The following NCAM2 variants were observed in gnomAD, a reference collection of about 807,000 sequenced individuals.
The protein encoded by NCAM2 is neural cell adhesion molecule 2.
Under a neutral mutation model 98.1 loss-of-function variants are expected in NCAM2, and 30 were observed. The ratio of observed to expected loss-of-function variants is 0.31; its 90% confidence interval spans 0.23 to 0.41. NCAM2 has a LOEUF of 0.41. Among genes scored for constraint, NCAM2 ranks in the 10% least tolerant of loss-of-function variants. The pLI is 1.00. For synonymous variants in NCAM2, 368 were observed against 342.4 expected (o/e 1.07, Z -0.83); for missense variants, 867 against 1,005.8 (o/e 0.86, Z 1.87).
chr21:21,180,924 T>G (rs1159942759), intron 1 of NCAM2, among the ~76,000 whole-genome samples: 4 of 152,284 alleles, frequency 2.6e-5, no homozygotes, highest in East Asian at 1.9e-4. Flanking sequence ...TTTCTCAGAA[T>G]TGTGTGGTAT....
intron 1 of NCAM2, among the ~76,000 whole-genome samples, chr21:21,125,412 TTTAC>T (rs2066774025): frequency 1.2e-5 from 1 of 84,912 alleles, no homozygotes; most frequent in Non-Finnish European, 2.3e-5. Context: ...TATATAATAT[TTTAC>T]ATATATTCAT....
intron 1 of NCAM2, among the ~76,000 whole-genome samples, chr21:21,098,086 G>A (rs1380746877): frequency 1.3e-5 from 2 of 149,300 alleles, no homozygotes; most frequent in Admixed American, 1.4e-4. Context: ...TTATGAAGTT[G>A]AATGTACTAC....
chr21:21,105,219 G>A (rs2066321090), intron 1 of NCAM2, among the ~76,000 whole-genome samples: 1 of 152,134 alleles, frequency 6.6e-6, no homozygotes, highest in Non-Finnish European at 1.5e-5. Flanking sequence ...ATGACATGAA[G>A]TAGGACTTCA....
chr21:21,419,822 C>A (rs552982822), intron 11 of NCAM2, among the ~76,000 whole-genome samples: 1 of 152,168 alleles, frequency 6.6e-6, no homozygotes, highest in East Asian at 1.9e-4. Flanking sequence ...GATAAACATA[C>A]GCGTGCATGT....
intron 1 of NCAM2, among the ~76,000 whole-genome samples, chr21:21,135,836 C>T (rs1250341604): frequency 6.6e-6 from 1 of 152,078 alleles, no homozygotes; most frequent in Admixed American, 6.5e-5. Context: ...GGCAATTGTA[C>T]CTAATAGTTC....
intron 1 of NCAM2, among the ~76,000 whole-genome samples, chr21:21,207,215 A>G (rs938454147): frequency 6.6e-6 from 1 of 152,166 alleles, no homozygotes; most frequent in African/African-American, 2.4e-5. Flanking sequence ...TTAAAATAAA[A>G]TTTGTCTTAT....
intron 5 of NCAM2, among the ~76,000 whole-genome samples, chr21:21,317,708 A>AT (rs958072933): frequency 3.3e-5 from 5 of 151,584 alleles, no homozygotes; most frequent in Admixed American, 2.6e-4. Context: ...AATTTTTTCT[A>AT]TTTTTTTGTA....
At chr21:21,483,943 A>G (rs1310342644) in intron 15 of NCAM2, among the ~76,000 whole-genome samples, 6 of 152,126 alleles carry the variant, frequency 3.9e-5, no homozygotes, top group African/African-American at 1.4e-4. Context: ...TAGCTTGTTT[A>G]TTATTAAAAT....
chr21:21,407,107 G>A (rs2076754961), intron 9 of NCAM2, among the ~76,000 whole-genome samples: 1 of 152,074 alleles, frequency 6.6e-6, no homozygotes, highest in African/African-American at 2.4e-5. Flanking sequence ...CATGACATAT[G>A]GCTACATTCT....
At chr21:21,134,765 C>T (rs1239889874) in intron 1 of NCAM2, among the ~76,000 whole-genome samples, 4 of 146,184 alleles carry the variant, frequency 2.7e-5, no homozygotes, top group South Asian at 2.2e-4. Flanking sequence ...GACTGGAATG[C>T]GGTGGTGCAG....
intron 1 of NCAM2, among the ~76,000 whole-genome samples, chr21:21,043,848 G>A (rs548303733): frequency 0.021 from 835 of 40,648 alleles, 9 homozygotes; most frequent in African/African-American, 0.053. Flanking sequence ...GTGAGACTCC[G>A]TCAAAAAAAA....
At chr21:21,078,476 C>T (rs1164735648) in intron 1 of NCAM2, among the ~76,000 whole-genome samples, 3 of 152,124 alleles carry the variant, frequency 2.0e-5, no homozygotes, top group South Asian at 2.1e-4. Context: ...CAAATCAAAA[C>T]CACAATGCAA....
intron 16 of NCAM2, among the ~76,000 whole-genome samples, chr21:21,527,389 C>G (rs966603500): frequency 1.3e-4 from 20 of 151,936 alleles, no homozygotes; most frequent in Non-Finnish European, 2.6e-4. Context: ...TTATGCTCTG[C>G]AAAAGACATT....
chr21:21,125,494 G>GTAATATA (rs1338581385), intron 1 of NCAM2, among the ~76,000 whole-genome samples: 3 of 74,150 alleles, frequency 4.0e-5, no homozygotes, highest in Non-Finnish European at 8.2e-5. Context: ...AGATATATAT[G>GTAATATA]TAATATGTAA....
At chr21:21,250,536 G>A (rs946811224) in intron 1 of NCAM2, among the ~76,000 whole-genome samples, 17 of 152,262 alleles carry the variant, frequency 1.1e-4, no homozygotes, top group African/African-American at 4.1e-4. Flanking sequence ...TAAGTCTAAG[G>A]CTTACACAGA....
chr21:21,052,149 C>CCTTTTTTTTTTT (rs2065121901), intron 1 of NCAM2, among the ~76,000 whole-genome samples: 1 of 109,934 alleles, frequency 9.1e-6, no homozygotes, highest in African/African-American at 3.8e-5. Flanking sequence ...TCATGATGGC[C>CCTTTTTTTTTTT]ATTTTTTTTT....
chr21:21,470,512 T>G (rs978255067), intron 14 of NCAM2, among the ~76,000 whole-genome samples: 28 of 152,086 alleles, frequency 1.8e-4, no homozygotes, highest in African/African-American at 6.8e-4. Flanking sequence ...TACGGCTTAC[T>G]GATAAAGTTT....
chr21:21,310,748 A>T (rs1397969437), intron 5 of NCAM2, among the ~76,000 whole-genome samples: 2 of 152,132 alleles, frequency 1.3e-5, no homozygotes, highest in Non-Finnish European at 2.9e-5. Flanking sequence ...GTATACATAG[A>T]TTCATCTTGG....
intron 12 of NCAM2, among the ~76,000 whole-genome samples, chr21:21,464,116 G>A (rs1430165524): frequency 6.6e-6 from 1 of 152,028 alleles, no homozygotes; most frequent in Non-Finnish European, 1.5e-5. Context: ...AAATACAATT[G>A]AATATAAGCA....
Sources: gnomAD v4.1 joint callset for allele counts (sites outside exome capture counted in the v4.1 genomes callset) on GRCh38, gnomAD v4.1.1 for gene constraint, MANE v1.5 for transcripts, NCBI Gene and HGNC (gene_info 2026-07-23, HGNC 2026-07-21) for gene names.